Variants in PDE3B observed in about 807,000 individuals in gnomAD.
PDE3B encodes cGMP-inhibited 3',5'-cyclic phosphodiesterase 3B.
In PDE3B, 66 loss-of-function variants were observed where a neutral mutation model predicts 116.8. That is an observed-to-expected ratio of 0.56 (90% CI 0.46 to 0.69). PDE3B has a LOEUF of 0.69. PDE3B is among the 30% of genes least tolerant of loss of function. PDE3B has a pLI of 0.00. For missense variants in PDE3B, 1,384 were observed against 1,368.1 expected (o/e 1.01, Z -0.18); for synonymous variants, 595 against 533.6 (o/e 1.12, Z -1.59).
intron 1 of PDE3B, among the ~76,000 whole-genome samples, chr11:14,737,569 CTCT>C (rs986756715): frequency 6.6e-6 from 1 of 152,104 alleles, no homozygotes; most frequent in African/African-American, 2.4e-5. Context: ...ATTGTAGCAG[CTCT>C]TCTTTAAAAA....
intron 1 of PDE3B, among the ~76,000 whole-genome samples, chr11:14,721,411 A>T (rs1856073579): frequency 6.6e-6 from 1 of 151,006 alleles, no homozygotes; most frequent in African/African-American, 2.4e-5. Flanking sequence ...TGACCCAGCC[A>T]TCCCATTACT....
intron 1 of PDE3B, among the ~76,000 whole-genome samples, chr11:14,687,085 T>C (rs1405135841): frequency 2.6e-5 from 4 of 152,200 alleles, no homozygotes; most frequent in African/African-American, 9.7e-5. Flanking sequence ...TTTGGTAATA[T>C]GGTTTTATTA....
chr11:14,882,708 A>T, the PDE3B span, among the ~76,000 whole-genome samples: 1 of 152,204 alleles, frequency 6.6e-6, no homozygotes. Flanking sequence ...GAAGGAAATA[A>T]AGGGTATTCA....
intron 1 of PDE3B, chr11:14,674,247 CT>C: frequency 1.7e-6 from 2 of 1,178,810 alleles, no homozygotes; most frequent in Admixed American, 1.7e-5. Flanking sequence ...CAACATTTTT[CT>C]GTTGGAGACC....
In PDE3B at chr11:14,660,700, G is replaced by A. The variant is rs532542999; in HGVS notation, c.978+15647G>A. ...CTTACATTAGTCTTTAGGGCTAATA[G>A]GAATAGCTTCTGAAGTGCTTATAAT... is the stretch of plus-strand genomic sequence containing the variant. On this transcript the variant is annotated intron_variant, in intron 1 of 15. Coordinates refer to ENST00000282096, the MANE Select transcript of PDE3B (RefSeq NM_000922.4). Among the ~76,000 whole-genome samples, 38 of 152,156 alleles carry A rather than the reference G, an allele frequency of 2.5e-4. 1 individual carries two copies. In the South Asian group the frequency reaches 7.3e-3, roughly 29 times the overall value.
downstream of PDE3B, among the ~76,000 whole-genome samples, chr11:14,876,834 T>C (rs1277693740): frequency 6.6e-6 from 1 of 152,100 alleles, no homozygotes; most frequent in African/African-American, 2.4e-5. Flanking sequence ...ATCTAAGCCA[T>C]ACGGACCCTA....
intron 1 of PDE3B, among the ~76,000 whole-genome samples, chr11:14,761,581 T>C (rs1459340883): frequency 6.6e-6 from 1 of 152,196 alleles, no homozygotes; most frequent in Non-Finnish European, 1.5e-5. Flanking sequence ...AAAGTTATTT[T>C]GCCTATTCAG....
At chr11:14,658,652 A>G (rs775083904) in intron 1 of PDE3B, among the ~76,000 whole-genome samples, 1 of 152,156 alleles carries the variant, frequency 6.6e-6, no homozygotes, top group Non-Finnish European at 1.5e-5. Flanking sequence ...ACCGCGCCAG[A>G]TGTCACCTTT....
At chr11:14,733,152 A>G (rs1397082370) in intron 1 of PDE3B, among the ~76,000 whole-genome samples, 1 of 152,098 alleles carries the variant, frequency 6.6e-6, no homozygotes, top group Non-Finnish European at 1.5e-5. Flanking sequence ...GAACATTTTG[A>G]TTTTTACTCA....
chr11:14,812,307 C>T (rs1169105036), intron 5 of PDE3B, among the ~76,000 whole-genome samples: 3 of 152,122 alleles, frequency 2.0e-5, no homozygotes, highest in Non-Finnish European at 4.4e-5. Context: ...CATGTTCTGT[C>T]ACCACAGTGG....
At chr11:14,674,075 G>A in intron 1 of PDE3B, 1 of 1,530,258 alleles carries the variant, frequency 6.5e-7, no homozygotes, top group Non-Finnish European at 9.0e-7. Flanking sequence ...AGCTCTTCAG[G>A]AAGCTTTACT....
chr11:14,848,422 C>G (rs1296571166), intron 12 of PDE3B, among the ~76,000 whole-genome samples: 11 of 150,492 alleles, frequency 7.3e-5, no homozygotes, highest in African/African-American at 9.8e-5. Flanking sequence ...CCTTTGAAAA[C>G]TGGCACAAGA....
chr11:14,661,337 C>T (rs1358411652), intron 1 of PDE3B, among the ~76,000 whole-genome samples: 15 of 152,178 alleles, frequency 9.9e-5, no homozygotes, highest in Admixed American at 7.2e-4. Flanking sequence ...TCGAGATGGC[C>T]GAATAGGAAC....
At chr11:14,839,656 T>G (rs558690000) in intron 11 of PDE3B, among the ~76,000 whole-genome samples, 1 of 152,322 alleles carries the variant, frequency 6.6e-6, no homozygotes, top group South Asian at 2.1e-4. Flanking sequence ...AAGACATATA[T>G]TTACATCTGG....
At chr11:14,663,103 G>T (rs796705703) in intron 1 of PDE3B, among the ~76,000 whole-genome samples, 4 of 148,366 alleles carry the variant, frequency 2.7e-5, no homozygotes, top group South Asian at 2.2e-4. Flanking sequence ...GACTAACAGC[G>T]GATCTCTCAG....
At chr11:14,848,552 C>T (rs1188172442) in intron 12 of PDE3B, among the ~76,000 whole-genome samples, 1 of 151,938 alleles carries the variant, frequency 6.6e-6, no homozygotes, top group African/African-American at 2.4e-5. Flanking sequence ...TCAAATTGTC[C>T]CTGTTTGCAG....
At chr11:14,815,644 G>C (rs763528731) in intron 5 of PDE3B, among the ~76,000 whole-genome samples, 2 of 151,978 alleles carry the variant, frequency 1.3e-5, no homozygotes, top group Admixed American at 1.3e-4. Context: ...TAATCATAGG[G>C]GTGACATCCT....
chr11:14,683,050 G>C (rs1854760212), intron 1 of PDE3B, among the ~76,000 whole-genome samples: 1 of 151,562 alleles, frequency 6.6e-6, no homozygotes, highest in African/African-American at 2.4e-5. Context: ...TGATTCTCCT[G>C]CCTCAGCCTC....
intron 2 of PDE3B, among the ~76,000 whole-genome samples, chr11:14,781,782 G>A (rs1458738873): frequency 1.3e-5 from 2 of 152,108 alleles, no homozygotes; most frequent in East Asian, 1.9e-4. Flanking sequence ...CACCACTCCT[G>A]TTCAACATAG....
Sources: allele counts gnomAD v4.1 joint callset (sites outside exome capture counted in the v4.1 genomes callset), GRCh38; gene constraint gnomAD v4.1.1; transcripts MANE v1.5; gene names NCBI Gene and HGNC (gene_info 2026-07-23, HGNC 2026-07-21).